The following CD46 variants were observed in gnomAD, a reference collection of about 807,000 sequenced individuals.
CD46 encodes membrane cofactor protein.
Under a neutral mutation model 53.3 loss-of-function variants are expected in CD46, and 30 were observed. That is an observed-to-expected ratio of 0.56 (90% CI 0.42 to 0.76). The LOEUF (loss-of-function observed/expected upper bound fraction) is 0.76, where lower values mean the gene tolerates loss of function less well. Among genes scored for constraint, CD46 ranks in the 30% least tolerant of loss-of-function variants. CD46 has a pLI of 0.00. For missense variants in CD46, 409 were observed against 463.0 expected, an observed-to-expected ratio of 0.88 and a Z score of 1.07; for synonymous variants, 142 against 152.0, an observed-to-expected ratio of 0.93 and a Z score of 0.48.
At chr1:207,776,349 C>T (rs1658102445) in intron 8 of CD46, among the ~76,000 whole-genome samples, 1 of 152,218 alleles carries the variant, frequency 6.6e-6, no homozygotes, top group South Asian at 2.1e-4. Flanking sequence ...ATGCCCCGCC[C>T]TCCGTGGGCT....
At chr1:207,760,998 A>G (rs1279582533) in intron 4 of CD46, 1 of 458,758 alleles carries the variant, frequency 2.2e-6, no homozygotes, top group African/African-American at 2.0e-5. Flanking sequence ...TGGTGGGGAC[A>G]CAGATCCAAA....
chr1:207,752,820 C>T lies in CD46; in HGVS notation c.97+511C>T, dbSNP rs370528644. Among the ~76,000 whole-genome samples, 1 of 152,122 alleles carries T rather than the reference C, an allele frequency of 6.6e-6. No individual in the cohort carries two copies. The highest frequency in any genetic ancestry group is 6.5e-5 in the Admixed American group (1 of 15,268). On this transcript the variant is annotated intron_variant, in intron 1 of 12. Transcript: ENST00000367042. The surrounding 1 kb of genome is among the most constrained non-coding windows in gnomAD (Gnocchi z 4.1). Reference sequence around the variant, plus strand: ...TGTGCTGGGCTGGGCGAGCAGGGGCCTGGCCAGGTGTTGCTGGGAGCGTGC... The same window carrying T: ...TGTGCTGGGCTGGGCGAGCAGGGGCTTGGCCAGGTGTTGCTGGGAGCGTGC...
rs551573631 is a variant in CD46, at chr1:207,794,375, G to A, written c.*898G>A. 6 of 152,282 alleles carry A rather than the reference G, an allele frequency of 3.9e-5. No homozygotes were observed. In the East Asian group the frequency reaches 5.8e-4, roughly 15 times the overall value. 9.4% of individuals were successfully genotyped at this position (152,282 alleles called of 1,614,324 possible). A position where few individuals can be genotyped will look rare whatever the true frequency, so the allele number is the denominator to read the frequency against. On this transcript the variant is annotated 3_prime_UTR_variant, in exon 13 of 13. Transcript: ENST00000367042. ...GCGAAGTGAACACTGTAGTCTTGTTGTTTTCCCAAAGAGAACTCCGTATGT... is the reference window on the plus strand; with the variant it reads ...GCGAAGTGAACACTGTAGTCTTGTTATTTTCCCAAAGAGAACTCCGTATGT...
chr1:207,790,330 CT>C lies in CD46; in HGVS notation c.*30del. 6.4e-7 allele frequency: 1 copy of C among 1,557,436 alleles called. No homozygotes were observed. Among genetic ancestry groups the C allele is most frequent in the Non-Finnish European group, 8.9e-7 (1 of 1,129,048 alleles). On this transcript the variant is annotated 3_prime_UTR_variant, in exon 12 of 13. Transcript: ENST00000367042. ...GAAGGAGAGATGAGAGAAAGGTTTG[CT>C]TTTATCATTAAAAGGTATCTGTTTT...
At chr1:207,784,520 C>A (rs906649707) in intron 9 of CD46, among the ~76,000 whole-genome samples, 1 of 152,146 alleles carries the variant, frequency 6.6e-6, no homozygotes, top group Non-Finnish European at 1.5e-5. Flanking sequence ...AACCCTTAAC[C>A]TGGAAACTGG....
chr1:207,758,854 A>G (rs1655864321), intron 3 of CD46, among the ~76,000 whole-genome samples: 1 of 152,218 alleles, frequency 6.6e-6, no homozygotes, highest in Admixed American at 6.5e-5. Context: ...TCCTAAAAGA[A>G]GTTCTAACCT....
At chr1:207,782,011 G>A (rs982435489) in intron 8 of CD46, among the ~76,000 whole-genome samples, 4 of 151,424 alleles carry the variant, frequency 2.6e-5, no homozygotes, top group African/African-American at 4.8e-5. Flanking sequence ...AGATTGCTTT[G>A]TATAGTATTG....
At chr1:207,754,748 C>T (rs1337869538) in intron 1 of CD46, among the ~76,000 whole-genome samples, 1 of 152,028 alleles carries the variant, frequency 6.6e-6, no homozygotes, top group African/African-American at 2.4e-5. Context: ...GTTGACTCTG[C>T]AGGGCTTCCA....
chr1:207,772,261 G>T lies in CD46; in HGVS notation c.943+1899G>T, dbSNP rs574193623. On this transcript the variant is annotated intron_variant, in intron 8 of 12. Coordinates refer to ENST00000367042, the MANE Select transcript of CD46 (RefSeq NM_172351.3). ...TTTGCACATTGATTTTGTATCCTGA[G>T]ACTTCGCTGAAGTTGTTTATCAGCT... is the stretch of plus-strand genomic sequence containing the variant. Among the ~76,000 whole-genome samples, 3 of 152,324 alleles carry T rather than the reference G, an allele frequency of 2.0e-5. No homozygotes were observed. The East Asian group carries it at 5.8e-4, about 29-fold the overall frequency.
Position 207,752,327 on chromosome 1 carries a change from G to T in CD46, c.97+18G>T, listed in dbSNP as rs771629259. On this transcript the variant is annotated intron_variant, in intron 1 of 12. Transcript: ENST00000367042. The surrounding 1 kb of genome is among the most constrained non-coding windows in gnomAD (Gnocchi z 4.1). ...CTTCTCCGGTAGGACCCCGGGGCGG[G>T]TTCGCGCGTCCGCGGCGAGACTAGA... 3.1e-6 allele frequency: 5 copies of T among 1,610,820 alleles called. No homozygotes were observed. Among genetic ancestry groups the T allele is most frequent in the African/African-American group, 1.3e-5 (1 of 74,878 alleles).
chr1:207,790,612 G>T (rs1197770303), intron 12 of CD46, among the ~76,000 whole-genome samples: 1 of 152,156 alleles, frequency 6.6e-6, no homozygotes, highest in Non-Finnish European at 1.5e-5. Flanking sequence ...CTTCTACCTT[G>T]TAAAACAGCT....
At chr1:207,762,078 G>T (rs1344495577) in intron 5 of CD46, among the ~76,000 whole-genome samples, 1 of 152,124 alleles carries the variant, frequency 6.6e-6, no homozygotes, top group African/African-American at 2.4e-5. Flanking sequence ...CATTCAACAT[G>T]CATTATCACA....
rs1656977947 is a variant in CD46 at position 207,767,383 on chromosome 1, G to A, written c.856+188G>A. 4.2e-6 allele frequency: 3 copies of A among 721,868 alleles called. No individual in the cohort carries two copies. The East Asian group carries it at 8.1e-5, about 19-fold the overall frequency. 44.7% of individuals were successfully genotyped at this position (721,868 alleles called of 1,614,324 possible). ...CACGAAATTCACATAAAATTCTGCT[G>A]TTGTGATTTTTTGTGCTTTTCCAGG... is the stretch of plus-strand genomic sequence containing the variant. On this transcript the variant is annotated intron_variant, in intron 6 of 12. Transcript: ENST00000367042.
chr1:207,757,272 C>A, intron 2 of CD46, 70 bp downstream of exon 2: 1 of 1,283,888 alleles, frequency 7.8e-7, no homozygotes, highest in Non-Finnish European at 1.1e-6. Flanking sequence ...GGTACATATT[C>A]CACTACGGTG....
At position 207,783,291 on chromosome 1, in the gene CD46, G is replaced by T; in HGVS notation, c.944-1G>T. ...AATCTATATTTCTTCTTTTTTCCTA[G>T]GATATCCTAAACCTGAGGAAGGAAT... On this transcript the variant is annotated splice_acceptor_variant, in intron 8 of 12. Coordinates refer to ENST00000367042, the MANE Select transcript of CD46 (RefSeq NM_172351.3). LOFTEE classifies it high-confidence loss of function. The T allele has an allele frequency of 6.8e-7, 1 of 1,467,312 alleles. No individual in the cohort carries two copies. The highest frequency in any genetic ancestry group is 1.2e-5 in the South Asian group (1 of 85,570). The allele number at this position is 1,467,312 out of a possible 1,614,324, so 90.9% of individuals were successfully genotyped here. A position where few individuals can be genotyped will look rare whatever the true frequency, so the allele number is the denominator to read the frequency against.
chr1:207,759,120 CT>C (rs1253390900), intron 3 of CD46, among the ~76,000 whole-genome samples: 1 of 152,200 alleles, frequency 6.6e-6, no homozygotes, highest in African/African-American at 2.4e-5. Context: ...GTAGCACTAT[CT>C]ATGTGCCAAA....
rs2102552348 is a variant in CD46, at chr1:207,759,621, C to T, written c.390-18C>T. The T allele has an allele frequency of 7.4e-7, 1 of 1,346,260 alleles. No homozygotes were observed. Among genetic ancestry groups the T allele is most frequent in the South Asian group, 1.2e-5 (1 of 84,348 alleles). The allele number at this position is 1,346,260 out of a possible 1,614,324, so 83.4% of individuals were successfully genotyped here. On this transcript the variant is annotated intron_variant, in intron 3 of 12. Coordinates refer to ENST00000367042, the MANE Select transcript of CD46 (RefSeq NM_172351.3). ...TTAATTGCTATACAAAACAGTAACCCTTTCTTTTCTCATTTAGTTATTACT... is the reference window on the plus strand; with the variant it reads ...TTAATTGCTATACAAAACAGTAACCTTTTCTTTTCTCATTTAGTTATTACT...
In CD46 at chr1:207,752,143, T is replaced by G; in HGVS notation, c.-70T>G. 1 of 1,411,534 alleles carries G rather than the reference T, an allele frequency of 7.1e-7. No homozygotes were observed. The highest frequency in any genetic ancestry group is 1.1e-5 in the South Asian group (1 of 87,132). 87.4% of individuals were successfully genotyped at this position (1,411,534 alleles called of 1,614,324 possible). On this transcript the variant is annotated 5_prime_UTR_variant, in exon 1 of 13. Transcript: ENST00000367042. This position sits in a 1 kb window ranked among gnomAD's most constrained non-coding sequence, Gnocchi z 4.1. ...TCCCATATCTGGACCCAGAAGGGAC[T>G]TCCCTGCTCGGCTGGCTCTCGGTTT...
At chr1:207,765,198 C>G (rs1656708000) in intron 5 of CD46, among the ~76,000 whole-genome samples, 1 of 152,058 alleles carries the variant, frequency 6.6e-6, no homozygotes, top group Non-Finnish European at 1.5e-5. Flanking sequence ...GAAAAAAAAT[C>G]ATGTGGTTAT....
Sources: gnomAD v4.1 joint callset for allele counts (sites outside exome capture counted in the v4.1 genomes callset) on GRCh38, gnomAD v4.1.1 for gene constraint, Gnocchi (gnomAD v3.1) non-coding constraint, MANE v1.5 for transcripts, NCBI Gene and HGNC (gene_info 2026-07-23, HGNC 2026-07-21) for gene names.